The following DNAJC1 variants were observed in gnomAD, a reference collection of about 807,000 sequenced individuals.
DNAJC1 encodes dnaJ homolog subfamily C member 1.
Under a neutral mutation model 76.6 loss-of-function variants are expected in DNAJC1, and 58 were observed. That is an observed-to-expected ratio of 0.76 (90% CI 0.61 to 0.94). The LOEUF (loss-of-function observed/expected upper bound fraction) is 0.94. Ranked by LOEUF, DNAJC1 falls within the 40% of genes least tolerant of loss-of-function variation. The pLI, the probability that DNAJC1 is intolerant of heterozygous loss-of-function variation, is 0.00. For synonymous variants in DNAJC1, 258 were observed against 267.9 expected (o/e 0.96, Z 0.36); for missense variants, 689 against 677.3 (o/e 1.02, Z -0.19).
In DNAJC1 at chr10:21,858,733, C is replaced by G. The variant is rs1262791458; in HGVS notation, c.978+23549G>C. ...ACGAGAACAGGAATGAAATCCAGGTCTCCTACATAAAACACTGCAGAACAT... is the reference window on the plus strand; with the variant it reads ...ACGAGAACAGGAATGAAATCCAGGTGTCCTACATAAAACACTGCAGAACAT... On this transcript the variant is annotated intron_variant, in intron 8 of 11. Coordinates refer to ENST00000376980, the MANE Select transcript of DNAJC1 (RefSeq NM_022365.4). Among the ~76,000 whole-genome samples, 3 of 152,138 alleles carry G rather than the reference C, an allele frequency of 2.0e-5. No homozygotes were observed. In the East Asian group the frequency reaches 5.8e-4, roughly 29 times the overall value.
chr10:21,803,264 G>T (rs1834833918), intron 9 of DNAJC1, among the ~76,000 whole-genome samples: 1 of 152,034 alleles, frequency 6.6e-6, no homozygotes. Context: ...TACAAATTTG[G>T]CAAGGAAACC....
At chr10:21,847,666 CAT>C (rs1474831210) in intron 8 of DNAJC1, among the ~76,000 whole-genome samples, 2 of 152,158 alleles carry the variant, frequency 1.3e-5, no homozygotes, top group African/African-American at 2.4e-5. Flanking sequence ...TCAGCTGTCA[CAT>C]ATGAGTGAGA....
At chr10:21,819,696 G>C (rs938230024) in intron 8 of DNAJC1, among the ~76,000 whole-genome samples, 1 of 152,242 alleles carries the variant, frequency 6.6e-6, no homozygotes, top group Middle Eastern at 3.4e-3. Flanking sequence ...TTGGGAGGCT[G>C]AGGCGGGTAG....
rs1178346824 is a variant in DNAJC1, at chr10:21,908,256, T to A, written c.730-3644A>T. ...TAAAATATATATAATATAGAGAAAA[T>A]ATATATATATATTTTATATATATAT... On this transcript the variant is annotated intron_variant, in intron 6 of 11. Transcript: ENST00000376980. Among the ~76,000 whole-genome samples, 27 of 7,016 alleles carry A rather than the reference T, an allele frequency of 3.8e-3. 1 individual carries two copies. Among genetic ancestry groups the A allele is most frequent in the Non-Finnish European group, 4.7e-3 (23 of 4,846 alleles). 4.6% of individuals were successfully genotyped at this position (7,016 alleles called of 152,430 possible).
At chr10:21,832,965 A>G (rs1318799477) in intron 8 of DNAJC1, among the ~76,000 whole-genome samples, 1 of 152,192 alleles carries the variant, frequency 6.6e-6, no homozygotes, top group African/African-American at 2.4e-5. Flanking sequence ...TTCTGTCTCA[A>G]GAGTGATTTA....
At chr10:21,844,713 A>T (rs1475675397) in intron 8 of DNAJC1, among the ~76,000 whole-genome samples, 2 of 152,170 alleles carry the variant, frequency 1.3e-5, no homozygotes, top group Non-Finnish European at 2.9e-5. Flanking sequence ...ACTATCATTT[A>T]AGAGGAAAAA....
chr10:21,813,698 T>G (rs1397845686), intron 8 of DNAJC1, among the ~76,000 whole-genome samples: 2 of 152,152 alleles, frequency 1.3e-5, no homozygotes, highest in Non-Finnish European at 2.9e-5. Flanking sequence ...AGGGCAAACA[T>G]TCTTATTGTC....
intron 1 of DNAJC1, among the ~76,000 whole-genome samples, chr10:21,962,909 T>C (rs1837823410): frequency 6.6e-6 from 1 of 152,184 alleles, no homozygotes; most frequent in Non-Finnish European, 1.5e-5. Context: ...CTGTAGGAAC[T>C]TATCCTCTGT....
chr10:21,889,234 G>A (rs1037992300), intron 7 of DNAJC1, among the ~76,000 whole-genome samples: 1 of 152,070 alleles, frequency 6.6e-6, no homozygotes, highest in Non-Finnish European at 1.5e-5. Flanking sequence ...GCTGCTACAC[G>A]CTTTTAAACA....
intron 1 of DNAJC1, among the ~76,000 whole-genome samples, chr10:21,964,816 T>C (rs1235705381): frequency 6.6e-6 from 1 of 152,098 alleles, no homozygotes; most frequent in East Asian, 1.9e-4. Context: ...AGAATTCCAG[T>C]ATTGAGGTTA....
At chr10:21,791,357 A>C (rs1834684762) in intron 9 of DNAJC1, among the ~76,000 whole-genome samples, 1 of 152,198 alleles carries the variant, frequency 6.6e-6, no homozygotes, top group Non-Finnish European at 1.5e-5. Flanking sequence ...ACAACAAGAA[A>C]ACACTGAATT....
rs1835222177 is a variant in DNAJC1 at position 21,824,921 on chromosome 10, C to T, written c.979-18822G>A. Among the ~76,000 whole-genome samples the T allele has an allele frequency of 2.0e-5, 3 of 151,984 alleles. No homozygotes were observed. The South Asian group carries it at 6.2e-4, about 32-fold the overall frequency. ...TTCCGAGTAGCTGGGATTATAGGTG[C>T]CCACCACCATGCCTGGCTAATTTTT... is the stretch of plus-strand genomic sequence containing the variant. On this transcript the variant is annotated intron_variant, in intron 8 of 11. Transcript: ENST00000376980.
At chr10:21,913,616 T>A (rs975088460) in intron 6 of DNAJC1, among the ~76,000 whole-genome samples, 3 of 152,160 alleles carry the variant, frequency 2.0e-5, no homozygotes, top group African/African-American at 7.2e-5. Context: ...TATAATCAAT[T>A]TAAAAATACC....
intron 3 of DNAJC1, among the ~76,000 whole-genome samples, chr10:21,926,260 C>CTTTTT (rs774374066): frequency 7.4e-6 from 1 of 134,736 alleles, no homozygotes. Flanking sequence ...CCAGCCTTTC[C>CTTTTT]TTTTTTTTTT....
chr10:21,994,397 T>C (rs1241521766), intron 1 of DNAJC1, among the ~76,000 whole-genome samples: 1 of 152,208 alleles, frequency 6.6e-6, no homozygotes, highest in African/African-American at 2.4e-5. Flanking sequence ...AAACGTGTGA[T>C]ATAAAAAGTC....
chr10:21,830,861 CAAAAA>C (rs2131667881), intron 8 of DNAJC1, among the ~76,000 whole-genome samples: 1 of 152,184 alleles, frequency 6.6e-6, no homozygotes, highest in Admixed American at 6.5e-5. Context: ...TAACCAAAAA[CAAAAA>C]ACTCAGTGAA....
intron 1 of DNAJC1, among the ~76,000 whole-genome samples, chr10:22,000,694 G>C (rs1838504123): frequency 6.6e-6 from 1 of 152,224 alleles, no homozygotes; most frequent in Admixed American, 6.5e-5. Context: ...GCCTCTGTGA[G>C]GTGATTATAT....
intron 7 of DNAJC1, among the ~76,000 whole-genome samples, chr10:21,902,002 T>C (rs190027841): frequency 5.9e-5 from 9 of 152,344 alleles, no homozygotes; most frequent in Non-Finnish European, 2.9e-5. Context: ...AGAGACTATA[T>C]TAAAAAATAC....
At chr10:21,805,902 C>T in intron 9 of DNAJC1, 78 bp downstream of exon 9, 1 of 1,567,096 alleles carries the variant, frequency 6.4e-7, no homozygotes, top group South Asian at 1.1e-5. Flanking sequence ...TACTGTGGAA[C>T]CCATCTATGT....
Sources: allele counts gnomAD v4.1 joint callset (sites outside exome capture counted in the v4.1 genomes callset), GRCh38; gene constraint gnomAD v4.1.1; transcripts MANE v1.5; gene names NCBI Gene and HGNC (gene_info 2026-07-23, HGNC 2026-07-21).